Variants in RIMBP2 observed in about 807,000 individuals in gnomAD.
RIMBP2 encodes RIMS-binding protein 2.
In RIMBP2, 48 loss-of-function variants were observed where a neutral mutation model predicts 118.6. The ratio of observed to expected loss-of-function variants is 0.40; its 90% CI spans 0.32 to 0.51. RIMBP2 has a LOEUF of 0.51. Among genes scored for constraint, RIMBP2 ranks in the 20% least tolerant of loss-of-function variants. RIMBP2 has a pLI of 0.41. For missense variants in RIMBP2, 1,551 were observed against 1,768.3 expected, an observed-to-expected ratio of 0.88 and a Z score of 2.20; for synonymous variants, 762 against 742.9, an observed-to-expected ratio of 1.03 and a Z score of -0.42.
chr12:130,480,058 G>A (rs1031057569), intron 4 of RIMBP2, among the ~76,000 whole-genome samples: 2 of 151,864 alleles, frequency 1.3e-5, no homozygotes, highest in African/African-American at 2.4e-5. Flanking sequence ...AATGACATTG[G>A]GTAGAAATGG....
intron 15 of RIMBP2, chr12:130,427,836 G>C (rs1316458000): frequency 5.2e-6 from 1 of 190,546 alleles, no homozygotes; most frequent in East Asian, 1.3e-4. Context: ...ACGCTCTCTC[G>C]GCTGCCGATT....
intron 6 of RIMBP2, among the ~76,000 whole-genome samples, chr12:130,468,280 C>T (rs2080685060): frequency 6.6e-6 from 1 of 152,220 alleles, no homozygotes; most frequent in Non-Finnish European, 1.5e-5. Flanking sequence ...GCCTCACAGG[C>T]TCCCTAAACA....
In RIMBP2 at chr12:130,529,218, T is replaced by C. The variant is rs188767794; in HGVS notation, c.-216-11301A>G. ...CAGGGATGAACCTCAAAAAATGACA[T>C]GCTGATTCATGCCACAACAGGAATG... On this transcript the variant is annotated intron_variant, in intron 2 of 22. Coordinates refer to ENST00000690449, the MANE Select transcript of RIMBP2 (RefSeq NM_001393629.1). 1.4e-3 allele frequency among the ~76,000 whole-genome samples: 210 copies of C among 152,234 alleles called. 1 individual carries two copies. Among genetic ancestry groups the C allele is most frequent in the Non-Finnish European group, 2.5e-3 (168 of 68,026 alleles).
At position 130,434,889 on chromosome 12, in the gene RIMBP2, G is replaced by C. The variant is rs1273270676; in HGVS notation, c.2107-9C>G. ...ACGCTCCTTTTCTCTAACTTGGAAA[G>C]AAAAAGGAGGCACACGGGTGAGGCA... On this transcript the variant is annotated splice_polypyrimidine_tract_variant and intron_variant, in intron 13 of 22. Transcript: ENST00000690449. This position sits in a 1 kb window ranked among gnomAD's most constrained non-coding sequence, Gnocchi z 5.7. The C allele has an allele frequency of 1.5e-5, 24 of 1,598,874 alleles. No homozygotes were observed. The highest frequency in any genetic ancestry group is 2.0e-5 in the Non-Finnish European group (23 of 1,172,824).
intron 1 of RIMBP2, among the ~76,000 whole-genome samples, chr12:130,685,100 C>T (rs2064979906): frequency 6.6e-6 from 1 of 152,158 alleles, no homozygotes; most frequent in African/African-American, 2.4e-5. Flanking sequence ...CTCCTGCAAC[C>T]TTCCTAAATG....
intron 2 of RIMBP2, among the ~76,000 whole-genome samples, chr12:130,597,411 T>G (rs1401773336): frequency 1.3e-5 from 2 of 152,116 alleles, no homozygotes; most frequent in African/African-American, 4.8e-5. Flanking sequence ...ACCCAGCTAA[T>G]TTTTGTATTT....
At chr12:130,589,105 T>A (rs570896078) in intron 2 of RIMBP2, among the ~76,000 whole-genome samples, 24 of 152,138 alleles carry the variant, frequency 1.6e-4, no homozygotes, top group Non-Finnish European at 1.5e-5. Context: ...AATATTCAGA[T>A]CTCCAGTGAC....
chr12:130,692,518 C>A (rs1037466195), intron 1 of RIMBP2, among the ~76,000 whole-genome samples: 1 of 152,050 alleles, frequency 6.6e-6, no homozygotes, highest in African/African-American at 2.4e-5. Context: ...GAGACCCTCA[C>A]GGTCTCCCTC....
chr12:130,502,190 G>A (rs2049861838), intron 4 of RIMBP2, among the ~76,000 whole-genome samples: 1 of 152,168 alleles, frequency 6.6e-6, no homozygotes, highest in Non-Finnish European at 1.5e-5. Context: ...AGCCCCGGCT[G>A]GACCGGAGGA....
intron 1 of RIMBP2, among the ~76,000 whole-genome samples, chr12:130,687,965 GA>G (rs1376164698): frequency 6.6e-6 from 1 of 152,196 alleles, no homozygotes; most frequent in African/African-American, 2.4e-5. Context: ...TGCGATTTTA[GA>G]AATTATTACC....
rs2052633614 is a variant in RIMBP2 at position 130,525,114 on chromosome 12, A to T, written c.-216-7197T>A. On this transcript the variant is annotated intron_variant, in intron 2 of 22. Coordinates refer to ENST00000690449, the MANE Select transcript of RIMBP2 (RefSeq NM_001393629.1). The surrounding 1 kb of genome is among the most constrained non-coding windows in gnomAD (Gnocchi z 4.4). ...AGGGGAGGAGCTCTCAGCAAGATTA[A>T]GGAGCAGGAGACAGAGCTGGGAGAA... 6.6e-6 allele frequency among the ~76,000 whole-genome samples: 1 copy of T among 152,194 alleles called. No homozygotes were observed. The highest frequency in any genetic ancestry group is 2.4e-5 in the African/African-American group (1 of 41,438).
chr12:130,529,330 C>G (rs2053137138), intron 2 of RIMBP2, among the ~76,000 whole-genome samples: 1 of 152,148 alleles, frequency 6.6e-6, no homozygotes, highest in Non-Finnish European at 1.5e-5. Flanking sequence ...CAGGGATGAA[C>G]CTCAAAAACA....
rs533473001 is a variant in RIMBP2, at chr12:130,552,726, T to C, written c.-216-34809A>G. Among the ~76,000 whole-genome samples the C allele has an allele frequency of 1.5e-3, 228 of 152,296 alleles. 2 individuals are homozygous for C. The highest frequency in any genetic ancestry group is 5.1e-3 in the African/African-American group (211 of 41,544). The stretch of plus-strand genomic sequence containing the variant: ...GGATCATGTTAGTCTTTTGTCTGCA[T>C]TGATCATAGAAACTGATTAGAAAAG... On this transcript the variant is annotated intron_variant, in intron 2 of 22. Coordinates refer to ENST00000690449, the MANE Select transcript of RIMBP2 (RefSeq NM_001393629.1).
At chr12:130,513,029 T>C (rs1223157740) in intron 3 of RIMBP2, among the ~76,000 whole-genome samples, 1 of 152,218 alleles carries the variant, frequency 6.6e-6, no homozygotes, top group Non-Finnish European at 1.5e-5. Context: ...GTAAGTTGCA[T>C]GGTTGCCATC....
At chr12:130,668,845 T>C (rs1294469579) in intron 1 of RIMBP2, among the ~76,000 whole-genome samples, 1 of 152,202 alleles carries the variant, frequency 6.6e-6, no homozygotes, top group African/African-American at 2.4e-5. Context: ...GCTCTGGTTC[T>C]CTCTCTCTTT....
chr12:130,588,304 G>A (rs917169358), intron 2 of RIMBP2, among the ~76,000 whole-genome samples: 1 of 152,064 alleles, frequency 6.6e-6, no homozygotes, highest in South Asian at 2.1e-4. Context: ...TCCACATCCG[G>A]TCTGTTTAGC....
chr12:130,480,880 C>T (rs1319873915), intron 4 of RIMBP2, among the ~76,000 whole-genome samples: 2 of 152,382 alleles, frequency 1.3e-5, no homozygotes, highest in African/African-American at 2.4e-5. Context: ...GGATTACAGG[C>T]GTGAGCCACC....
intron 2 of RIMBP2, among the ~76,000 whole-genome samples, chr12:130,575,832 C>G (rs2058047548): frequency 6.6e-6 from 1 of 152,220 alleles, no homozygotes; most frequent in Non-Finnish European, 1.5e-5. Flanking sequence ...CTGTTGAAGT[C>G]ATCTGGTAAC....
rs1566439074 is a variant in RIMBP2, at chr12:130,664,425, A to ACGCACGCACACACG, written c.-351-35970_-351-35969insCGTGTGTGCGTGCG. Among the ~76,000 whole-genome samples, 39 of 77,056 alleles carry ACGCACGCACACACG rather than the reference A, an allele frequency of 5.1e-4. 2 individuals are homozygous for ACGCACGCACACACG. Among genetic ancestry groups the ACGCACGCACACACG allele is most frequent in the Middle Eastern group, 8.3e-3 (1 of 120 alleles). The allele number at this position is 77,056 out of a possible 152,430, so 50.6% of individuals were successfully genotyped here. A position where few individuals can be genotyped will look rare whatever the true frequency, so the allele number is the denominator to read the frequency against. On this transcript the variant is annotated intron_variant, in intron 1 of 22. Coordinates refer to ENST00000690449, the MANE Select transcript of RIMBP2 (RefSeq NM_001393629.1). ...CACGCACGCACGCACACACACGCACACACATGCATGCACGCACACACGCAC... is the reference window on the plus strand; with the variant it reads ...CACGCACGCACGCACACACACGCACACGCACGCACACACGCACATGCATGCACGCACACACGCAC...
Sources: allele counts gnomAD v4.1 joint callset (sites outside exome capture counted in the v4.1 genomes callset), GRCh38; gene constraint gnomAD v4.1.1; non-coding constraint Gnocchi (gnomAD v3.1); transcripts MANE v1.5; gene names NCBI Gene and HGNC (gene_info 2026-07-23, HGNC 2026-07-21).